The following ARHGAP32 variants were observed in gnomAD, a reference collection of about 807,000 sequenced individuals.
ARHGAP32 encodes rho GTPase-activating protein 32.
In ARHGAP32, 51 loss-of-function variants were observed where a neutral mutation model predicts 186.5. The ratio of observed to expected loss-of-function variants is 0.27; its 90% CI spans 0.22 to 0.35. The LOEUF is 0.35. ARHGAP32 is among the 10% of genes least tolerant of loss of function. The pLI is 1.00. For synonymous variants in ARHGAP32, 950 were observed against 964.3 expected (o/e 0.99, Z 0.27); for missense variants, 2,186 against 2,623.5 (o/e 0.83, Z 3.64).
At chr11:128,971,440 C>A in intron 22 of ARHGAP32, 1 of 369,918 alleles carries the variant, frequency 2.7e-6, no homozygotes, top group Non-Finnish European at 4.9e-6. Flanking sequence ...TTTTAATATA[C>A]AAACCAAAAG....
intron 2 of ARHGAP32, chr11:129,126,101 G>GA (rs1163038850): frequency 8.3e-6 from 2 of 241,726 alleles, no homozygotes; most frequent in African/African-American, 2.3e-5. Flanking sequence ...TATCATACTA[G>GA]AAAAAAATTT....
Position 128,969,241 on chromosome 11 carries a change from A to G in ARHGAP32, c.5972T>C (p.Ile1991Thr), listed in dbSNP as rs1385331947. ...YKEEEHLTQS[I>T]VPPPKPERSH... ...CCTCTCTGGTTTAGGGGGTGGGACGATTGACTGAGTGAGGTGTTCTTCCTC... is the reference window on the plus strand; with the variant it reads ...CCTCTCTGGTTTAGGGGGTGGGACGGTTGACTGAGTGAGGTGTTCTTCCTC... The change falls in exon 23 of 23, where the codon ATC becomes ACC. Residue 1991 changes from isoleucine to threonine, a missense_variant. This residue lies in a region of ARHGAP32 where 1,502 missense variants were observed against 1,570.0 expected (regional missense o/e 0.96). Transcript: ENST00000682385. The surrounding 1 kb of genome is among the most constrained non-coding windows in gnomAD (Gnocchi z 4.8). 1.2e-6 allele frequency: 2 copies of G among 1,614,072 alleles called. No homozygotes were observed. The highest frequency in any genetic ancestry group is 1.7e-6 in the Non-Finnish European group (2 of 1,179,984).
chr11:129,177,976 C>T (rs1382099495), intron 1 of ARHGAP32, among the ~76,000 whole-genome samples: 2 of 151,764 alleles, frequency 1.3e-5, no homozygotes, highest in African/African-American at 4.8e-5. Flanking sequence ...AAAGGGTATT[C>T]AATTAGGAAA....
intron 1 of ARHGAP32, among the ~76,000 whole-genome samples, chr11:129,203,718 CAAAAAAAAAAA>C (rs375747287): frequency 1.2e-5 from 1 of 81,604 alleles, no homozygotes; most frequent in African/African-American, 4.9e-5. Flanking sequence ...CTTGTCTCTA[CAAAAAAAAAAA>C]AAAAAAGAAA....
chr11:129,055,918 T>C lies in ARHGAP32; in HGVS notation c.963+6362A>G, dbSNP rs555614567. 7.2e-5 allele frequency among the ~76,000 whole-genome samples: 11 copies of C among 152,334 alleles called. 1 individual carries two copies. In the South Asian group the frequency reaches 2.1e-3, roughly 29 times the overall value. On this transcript the variant is annotated intron_variant, in intron 10 of 22. Transcript: ENST00000682385. ...GAACTCTAACATAAACAATGGACTT[T>C]AGTTAATAATAGTATATCAATATTG...
intron 1 of ARHGAP32, among the ~76,000 whole-genome samples, chr11:129,245,746 C>T (rs1195356226): frequency 6.6e-6 from 1 of 151,158 alleles, no homozygotes; most frequent in African/African-American, 2.4e-5. Flanking sequence ...CTTAGTATAT[C>T]ACCATTATTT....
At chr11:129,277,365 C>T (rs968023246) in intron 1 of ARHGAP32, among the ~76,000 whole-genome samples, 1 of 152,154 alleles carries the variant, frequency 6.6e-6, no homozygotes, top group Non-Finnish European at 1.5e-5. Flanking sequence ...GGAATTCAAA[C>T]CAACATCAAA....
At chr11:129,202,552 G>C (rs957155052) in intron 1 of ARHGAP32, among the ~76,000 whole-genome samples, 1 of 152,018 alleles carries the variant, frequency 6.6e-6, no homozygotes, top group Non-Finnish European at 1.5e-5. Context: ...TCATGTATGC[G>C]ATATAAATAA....
chr11:129,116,195 C>G (rs373181683), intron 5 of ARHGAP32, among the ~76,000 whole-genome samples: 24 of 152,062 alleles, frequency 1.6e-4, no homozygotes, highest in African/African-American at 5.8e-4. Flanking sequence ...AACTTGTTAG[C>G]TTACTAGTAG....
chr11:129,252,140 TC>T (rs1945194522), intron 1 of ARHGAP32, among the ~76,000 whole-genome samples: 1 of 152,210 alleles, frequency 6.6e-6, no homozygotes, highest in Non-Finnish European at 1.5e-5. Context: ...TAACTTTACA[TC>T]TACAGTATAC....
intron 10 of ARHGAP32, among the ~76,000 whole-genome samples, chr11:129,061,610 G>A (rs745527012): frequency 3.9e-5 from 6 of 152,138 alleles, no homozygotes; most frequent in Admixed American, 6.6e-5. Flanking sequence ...ATGACTAATG[G>A]GGCAGGCAGC....
rs192361908 is a variant in ARHGAP32, at chr11:129,123,540, A to G, written c.360-10T>C. On this transcript the variant is annotated splice_polypyrimidine_tract_variant and intron_variant, in intron 4 of 22. Coordinates refer to ENST00000682385, the MANE Select transcript of ARHGAP32 (RefSeq NM_001378024.1). This position sits in a 1 kb window ranked among gnomAD's most constrained non-coding sequence, Gnocchi z 4.6. ...TTTAGTGAAGGGTAACCTGAAACAC[A>G]TGAAATAAATAAGAAACGAGATAGT... is the stretch of plus-strand genomic sequence containing the variant. The G allele has an allele frequency of 5.4e-3, 8,658 of 1,605,948 alleles. 24 individuals carry two copies. The highest frequency in any genetic ancestry group is 7.3e-3 in the Admixed American group (437 of 59,782).
intron 12 of ARHGAP32, among the ~76,000 whole-genome samples, chr11:128,993,649 C>G (rs988420811): frequency 2.0e-5 from 3 of 151,206 alleles, no homozygotes; most frequent in Admixed American, 1.3e-4. Flanking sequence ...TATATACACA[C>G]ATATGATATA....
intron 1 of ARHGAP32, among the ~76,000 whole-genome samples, chr11:129,228,827 C>G (rs1043688695): frequency 6.6e-6 from 1 of 152,100 alleles, no homozygotes; most frequent in African/African-American, 2.4e-5. Flanking sequence ...CATAACAAAC[C>G]TGCATGTCCT....
intron 10 of ARHGAP32, among the ~76,000 whole-genome samples, chr11:129,042,594 G>A (rs1939641469): frequency 6.6e-6 from 1 of 152,034 alleles, no homozygotes; most frequent in African/African-American, 2.4e-5. Context: ...TATGGGACAT[G>A]GTTAACAGCG....
chr11:128,987,837 C>T (rs1255048771), intron 13 of ARHGAP32, among the ~76,000 whole-genome samples, 186 bp downstream of exon 13: 1 of 152,044 alleles, frequency 6.6e-6, no homozygotes, highest in Non-Finnish European at 1.5e-5. Context: ...GCATGGTTCT[C>T]TGATACTACA....
intron 1 of ARHGAP32, among the ~76,000 whole-genome samples, chr11:129,264,190 A>T (rs76722087): frequency 0.014 from 2,097 of 152,346 alleles, 38 homozygotes; most frequent in African/African-American, 0.047. Flanking sequence ...TATCTAAAGT[A>T]GCCAAAATCA....
At chr11:129,090,897 A>G (rs1031134844) in intron 6 of ARHGAP32, among the ~76,000 whole-genome samples, 6 of 152,148 alleles carry the variant, frequency 3.9e-5, no homozygotes, top group Non-Finnish European at 7.4e-5. Flanking sequence ...GATTACTAGA[A>G]TTTTTATTAA....
At chr11:129,198,513 G>A (rs771986822) in intron 1 of ARHGAP32, among the ~76,000 whole-genome samples, 6 of 152,130 alleles carry the variant, frequency 3.9e-5, no homozygotes, top group Non-Finnish European at 5.9e-5. Context: ...TAAGTCTCAC[G>A]AGATCTGATG....
Sources: allele counts gnomAD v4.1 joint callset (sites outside exome capture counted in the v4.1 genomes callset), GRCh38; gene constraint gnomAD v4.1.1; regional missense constraint gnomAD v4.1.1; non-coding constraint Gnocchi (gnomAD v3.1); transcripts MANE v1.5; gene names NCBI Gene and HGNC (gene_info 2026-07-23, HGNC 2026-07-21).